Variants in FOXO3 observed in about 807,000 individuals in gnomAD.
FOXO3 encodes the protein forkhead box protein O3.
Under a neutral mutation model 41.9 loss-of-function variants are expected in FOXO3, and 4 were observed. The observed-to-expected ratio is 0.10, with a 90% CI of 0.05 to 0.22. The LOEUF (loss-of-function observed/expected upper bound fraction) is 0.22. Among genes scored for constraint, FOXO3 ranks in the 10% least tolerant of loss-of-function variants. The pLI, the probability that FOXO3 is intolerant of heterozygous loss-of-function variation, is 1.00. For synonymous variants in FOXO3, 318 were observed against 389.3 expected, an observed-to-expected ratio of 0.82 and a Z score of 2.16; for missense variants, 534 against 906.8, an observed-to-expected ratio of 0.59 and a Z score of 5.28.
rs78927225 is a variant in FOXO3, at chr6:108,620,218, A to G, written c.622-43237A>G. The stretch of plus-strand genomic sequence containing the variant: ...CTTGTACTCAGGAGCCCAGAAATAC[A>G]TAATATAATTGACTAATTCCTGTCT... On this transcript the variant is annotated intron_variant, in intron 1 of 2. Transcript: ENST00000406360. 9.5e-3 allele frequency among the ~76,000 whole-genome samples: 1,454 copies of G among 152,316 alleles called. 23 individuals are homozygous for G. Among genetic ancestry groups the G allele is most frequent in the African/African-American group, 0.033 (1,377 of 41,566 alleles).
chr6:108,649,283 GTCTGCCCTTTGC>G (rs376860277), intron 1 of FOXO3, among the ~76,000 whole-genome samples: 74 of 152,248 alleles, frequency 4.9e-4, no homozygotes, highest in African/African-American at 1.7e-3. Context: ...CAGTAAGTAT[GTCTGCCCTTTGC>G]TCTGGAGGGA....
intron 1 of FOXO3, among the ~76,000 whole-genome samples, chr6:108,565,916 C>T (rs938196585): frequency 2.0e-5 from 3 of 152,126 alleles, no homozygotes; most frequent in African/African-American, 4.8e-5. Flanking sequence ...CACATTGGCT[C>T]ATAATTTTGA....
At chr6:108,622,589 G>A (rs915968450) in intron 1 of FOXO3, among the ~76,000 whole-genome samples, 1 of 151,878 alleles carries the variant, frequency 6.6e-6, no homozygotes, top group African/African-American at 2.4e-5. Context: ...CCTTTCTGTT[G>A]TTGCTCCTTC....
At chr6:108,622,076 A>G (rs1055617515) in intron 1 of FOXO3, among the ~76,000 whole-genome samples, 2 of 151,754 alleles carry the variant, frequency 1.3e-5, no homozygotes, top group African/African-American at 4.8e-5. Flanking sequence ...GGCCAATATG[A>G]TGAAAGCCCA....
At position 108,629,259 on chromosome 6, in the gene FOXO3, C is replaced by T. The variant is rs141268406; in HGVS notation, c.622-34196C>T. Reference sequence around the variant, plus strand: ...ATTCTTAAGAGAGATGGAAATTGCCCTCTACATTATAGAGGACCCATCTGA... The same window carrying T: ...ATTCTTAAGAGAGATGGAAATTGCCTTCTACATTATAGAGGACCCATCTGA... On this transcript the variant is annotated intron_variant, in intron 1 of 2. Coordinates refer to ENST00000406360, the MANE Select transcript of FOXO3 (RefSeq NM_001455.4). Among the ~76,000 whole-genome samples the T allele has an allele frequency of 7.2e-5, 11 of 152,240 alleles. No individual in the cohort carries two copies. In the East Asian group the frequency reaches 2.1e-3, roughly 29 times the overall value.
intron 1 of FOXO3, among the ~76,000 whole-genome samples, chr6:108,621,730 A>G (rs1036357860): frequency 3.9e-5 from 6 of 152,112 alleles, no homozygotes; most frequent in African/African-American, 1.4e-4. Context: ...TTTCAGAAGT[A>G]TGTGGGAGAG....
chr6:108,618,219 C>G (rs894566481), intron 1 of FOXO3: 1 of 842,816 alleles, frequency 1.2e-6, no homozygotes, highest in Non-Finnish European at 2.1e-6. Context: ...CCACCCTGCC[C>G]CACCACCTTC....
chr6:108,627,855 T>C (rs996696887), intron 1 of FOXO3, among the ~76,000 whole-genome samples: 1 of 152,220 alleles, frequency 6.6e-6, no homozygotes, highest in African/African-American at 2.4e-5. Context: ...GGCAGGTGAC[T>C]CAGTGACTTC....
chr6:108,620,054 C>T (rs1381345911), intron 1 of FOXO3, among the ~76,000 whole-genome samples: 1 of 152,198 alleles, frequency 6.6e-6, no homozygotes, highest in Non-Finnish European at 1.5e-5. Flanking sequence ...CAGATCCATT[C>T]TTAGTGCAGA....
At chr6:108,576,117 G>A (rs907257021) in intron 1 of FOXO3, among the ~76,000 whole-genome samples, 1 of 152,172 alleles carries the variant, frequency 6.6e-6, no homozygotes, top group Non-Finnish European at 1.5e-5. Flanking sequence ...TAGTGGCCTT[G>A]ATCAGCCCTT....
intron 1 of FOXO3, among the ~76,000 whole-genome samples, chr6:108,565,159 T>C (rs960776695): frequency 3.9e-5 from 6 of 152,176 alleles, no homozygotes; most frequent in African/African-American, 1.4e-4. Flanking sequence ...GAGTGTATCA[T>C]GTTTGCATAG....
chr6:108,576,944 T>A (rs919567790), intron 1 of FOXO3, among the ~76,000 whole-genome samples: 3 of 152,184 alleles, frequency 2.0e-5, no homozygotes, highest in Non-Finnish European at 4.4e-5. Flanking sequence ...GAAAATAACT[T>A]TATCATTTGC....
At chr6:108,621,234 G>C (rs1476945378) in intron 1 of FOXO3, among the ~76,000 whole-genome samples, 1 of 152,168 alleles carries the variant, frequency 6.6e-6, no homozygotes, top group Non-Finnish European at 1.5e-5. Context: ...TGCCTGCAGA[G>C]CTAGGAGTGC....
intron 1 of FOXO3, among the ~76,000 whole-genome samples, chr6:108,600,546 CAAAAAAAAAAAA>C (rs56888212): frequency 2.1e-5 from 1 of 47,774 alleles, no homozygotes. Context: ...GTCTCCATCT[CAAAAAAAAAAAA>C]AAAAAAAAAA....
At chr6:108,609,236 TAAATG>T (rs1471439476) in intron 1 of FOXO3, among the ~76,000 whole-genome samples, 1 of 152,190 alleles carries the variant, frequency 6.6e-6, no homozygotes, top group Admixed American at 6.5e-5. Flanking sequence ...ACTCCCCAAA[TAAATG>T]GTGAATTGTC....
At chr6:108,604,843 G>A (rs1423196117) in intron 1 of FOXO3, among the ~76,000 whole-genome samples, 4 of 152,178 alleles carry the variant, frequency 2.6e-5, no homozygotes, top group Non-Finnish European at 5.9e-5. Flanking sequence ...TGAATGTCAT[G>A]AGTTTGGTGA....
In FOXO3 at chr6:108,617,347, C is replaced by T. The variant is rs1218802104; in HGVS notation, c.622-46108C>T. On this transcript the variant is annotated intron_variant, in intron 1 of 2. Transcript: ENST00000406360. Reference sequence around the variant, plus strand: ...CATATTTTCCTGTTCCTTTGCTATGCCTGGTAATTTTTACTTGGATACCAG... The same window carrying T: ...CATATTTTCCTGTTCCTTTGCTATGTCTGGTAATTTTTACTTGGATACCAG... Among the ~76,000 whole-genome samples, 3 of 152,008 alleles carry T rather than the reference C, an allele frequency of 2.0e-5. No homozygotes were observed. The East Asian group carries it at 5.8e-4, about 29-fold the overall frequency.
chr6:108,564,398 A>G (rs1468034059), intron 1 of FOXO3, among the ~76,000 whole-genome samples: 1 of 152,246 alleles, frequency 6.6e-6, no homozygotes, highest in Non-Finnish European at 1.5e-5. Flanking sequence ...GATTCTTGTC[A>G]TGATTAGTCA....
chr6:108,646,748 G>A (rs1457296922), intron 1 of FOXO3, among the ~76,000 whole-genome samples: 1 of 152,188 alleles, frequency 6.6e-6, no homozygotes, highest in African/African-American at 2.4e-5. Flanking sequence ...AAGAATGTCT[G>A]CTTCTTTCCT....
Sources: allele counts gnomAD v4.1 joint callset (sites outside exome capture counted in the v4.1 genomes callset), GRCh38; gene constraint gnomAD v4.1.1; transcripts MANE v1.5; gene names NCBI Gene and HGNC (gene_info 2026-07-23, HGNC 2026-07-21).